Variants in SORCS2 observed in about 807,000 individuals in gnomAD.
The protein encoded by SORCS2 is VPS10 domain-containing receptor SorCS2.
A neutral mutation model predicts 141.6 loss-of-function variants in SORCS2; 100 were observed. That is an observed-to-expected ratio of 0.71 (90% CI 0.60 to 0.83). SORCS2 has a LOEUF of 0.83. SORCS2 is among the 40% of genes least tolerant of loss of function. SORCS2 has a pLI of 0.00. For missense variants in SORCS2, 1,646 were observed against 1,560.2 expected, an observed-to-expected ratio of 1.05 and a Z score of -0.93; for synonymous variants, 789 against 676.9, an observed-to-expected ratio of 1.17 and a Z score of -2.57.
chr4:7,272,771 C>T (rs3913450), intron 1 of SORCS2, among the ~76,000 whole-genome samples: 40,774 of 152,220 alleles, frequency 0.27, 5,699 homozygotes, highest in East Asian at 0.43. Flanking sequence ...TCAGATCTCG[C>T]GCTTCAGGGC....
intron 4 of SORCS2, among the ~76,000 whole-genome samples, chr4:7,639,927 G>T (rs1720550077): frequency 1.9e-5 from 1 of 51,918 alleles, no homozygotes; most frequent in East Asian, 1.8e-3. Flanking sequence ...GTGTGTTTGT[G>T]AGAATATGTC....
chr4:7,615,984 T>C (rs561102980), intron 3 of SORCS2, among the ~76,000 whole-genome samples: 4 of 152,362 alleles, frequency 2.6e-5, no homozygotes, highest in African/African-American at 7.2e-5. Flanking sequence ...AATTATGTGA[T>C]GTTTGGGGCA....
At chr4:7,525,496 A>G (rs1733612864) in intron 2 of SORCS2, among the ~76,000 whole-genome samples, 2 of 151,930 alleles carry the variant, frequency 1.3e-5, no homozygotes, top group South Asian at 4.2e-4. Flanking sequence ...CTCCCAGCCC[A>G]GCCCTCCACC....
intron 2 of SORCS2, among the ~76,000 whole-genome samples, chr4:7,482,554 A>G (rs867714914): frequency 1.4e-4 from 8 of 58,556 alleles, no homozygotes; most frequent in African/African-American, 1.2e-4. Flanking sequence ...GACACCCCTG[A>G]CGCTGTTCAG....
intron 1 of SORCS2, among the ~76,000 whole-genome samples, chr4:7,292,231 G>A (rs540621172): frequency 3.9e-5 from 6 of 151,964 alleles, no homozygotes; most frequent in African/African-American, 7.2e-5. Context: ...TTCGCAGTCC[G>A]TTCACCAAGG....
intron 1 of SORCS2, among the ~76,000 whole-genome samples, chr4:7,347,953 C>T (rs1720732226): frequency 6.6e-6 from 1 of 152,156 alleles, no homozygotes; most frequent in Non-Finnish European, 1.5e-5. Context: ...ACCCACAAAC[C>T]ATGCTAGTTC....
chr4:7,697,263 A>G lies in SORCS2; in HGVS notation c.1657A>G (p.Thr553Ala), dbSNP rs1290898696. The G allele has an allele frequency of 1.9e-6, 3 of 1,587,158 alleles. No individual in the cohort carries two copies. Among genetic ancestry groups the G allele is most frequent in the Non-Finnish European group, 1.7e-6 (2 of 1,167,202 alleles). The stretch of plus-strand genomic sequence containing the variant: ...GTACATCACGTCAGACTGTGGTCAC[A>G]CCTGGCGGCAGGTAAGCTGGCTGGG... ...EMYITSDCGH[T>A]WRQVFEEEHH... The change falls in exon 12 of 27, where the codon ACC becomes GCC. Residue 553 changes from threonine (T) to alanine (A), a missense_variant. Physicochemically the swap from Thr to Ala is moderately conservative, Grantham distance 58 (BLOSUM62 0). Coordinates refer to ENST00000507866, the MANE Select transcript of SORCS2 (RefSeq NM_020777.3).
chr4:7,638,079 C>A (rs1438359282), intron 3 of SORCS2, among the ~76,000 whole-genome samples: 2 of 151,810 alleles, frequency 1.3e-5, no homozygotes, highest in African/African-American at 4.8e-5. Context: ...GAGGGTCTGG[C>A]CCAGACACTC....
intron 3 of SORCS2, among the ~76,000 whole-genome samples, chr4:7,568,586 T>C (rs1050111686): frequency 3.3e-5 from 5 of 151,818 alleles, no homozygotes; most frequent in African/African-American, 1.2e-4. Flanking sequence ...TTGCAAAGAG[T>C]TGGTATCACT....
chr4:7,512,959 C>G (rs894760106), intron 2 of SORCS2, among the ~76,000 whole-genome samples: 1 of 152,152 alleles, frequency 6.6e-6, no homozygotes, highest in Non-Finnish European at 1.5e-5. Flanking sequence ...CCCTCCAGGC[C>G]GCAGGGGAAA....
chr4:7,255,157 G>C (rs1007140689), intron 1 of SORCS2, among the ~76,000 whole-genome samples: 1 of 152,014 alleles, frequency 6.6e-6, no homozygotes, highest in African/African-American at 2.4e-5. Context: ...GCAAGGCACT[G>C]AGCGGTCAGG....
intron 11 of SORCS2, among the ~76,000 whole-genome samples, chr4:7,691,725 A>G (rs1724267780): frequency 6.6e-6 from 1 of 152,088 alleles, no homozygotes; most frequent in Non-Finnish European, 1.5e-5. Context: ...CCAATCCTGT[A>G]CACTTGGTTT....
chr4:7,693,510 A>T (rs1478251437), intron 11 of SORCS2, among the ~76,000 whole-genome samples: 1 of 152,170 alleles, frequency 6.6e-6, no homozygotes, highest in Admixed American at 6.5e-5. Context: ...GCCCCAGGTG[A>T]TTATGGAGCC....
chr4:7,458,994 G>C (rs957688844), intron 2 of SORCS2, among the ~76,000 whole-genome samples: 43 of 152,154 alleles, frequency 2.8e-4, no homozygotes, highest in African/African-American at 1.0e-3. Context: ...GCCGGCAGGG[G>C]GTGCATGGAG....
chr4:7,422,051 C>T (rs1311729240), intron 2 of SORCS2, among the ~76,000 whole-genome samples: 1 of 152,142 alleles, frequency 6.6e-6, no homozygotes, highest in Non-Finnish European at 1.5e-5. Context: ...CTGGTCGGTG[C>T]CCCCTTTGCT....
At chr4:7,449,702 C>T (rs1728319439) in intron 2 of SORCS2, among the ~76,000 whole-genome samples, 1 of 152,044 alleles carries the variant, frequency 6.6e-6, no homozygotes, top group Non-Finnish European at 1.5e-5. Context: ...TCCATGTTGG[C>T]CCTGGAGGGA....
intron 2 of SORCS2, among the ~76,000 whole-genome samples, chr4:7,498,680 TGAG>T (rs1402663575): frequency 2.6e-5 from 4 of 152,236 alleles, no homozygotes; most frequent in Non-Finnish European, 2.9e-5. Flanking sequence ...CAAGATCATA[TGAG>T]GAGGAAATGA....
At chr4:7,195,965 G>T (rs1727144224) in intron 1 of SORCS2, among the ~76,000 whole-genome samples, 1 of 152,188 alleles carries the variant, frequency 6.6e-6, no homozygotes. Flanking sequence ...AAAATTAAAA[G>T]GAGCATTTGA....
intron 1 of SORCS2, among the ~76,000 whole-genome samples, chr4:7,210,025 C>G (rs1174722243): frequency 6.6e-6 from 1 of 152,180 alleles, no homozygotes; most frequent in Non-Finnish European, 1.5e-5. Flanking sequence ...GACTTGGGGG[C>G]CCCAGGGCAA....
Sources: gnomAD v4.1 joint callset for allele counts (sites outside exome capture counted in the v4.1 genomes callset) on GRCh38, gnomAD v4.1.1 for gene constraint, MANE v1.5 for transcripts, NCBI Gene and HGNC (gene_info 2026-07-23, HGNC 2026-07-21) for gene names.